The following CTNNA2 variants were observed in gnomAD, a reference collection of about 807,000 sequenced individuals.
CTNNA2 encodes catenin alpha 2.
Under a neutral mutation model 101.0 loss-of-function variants are expected in CTNNA2, and 42 were observed. The ratio of observed to expected loss-of-function variants is 0.42; its 90% CI spans 0.32 to 0.54. The LOEUF (loss-of-function observed/expected upper bound fraction) is 0.54, where lower values mean the gene tolerates loss of function less well. Among genes scored for constraint, CTNNA2 ranks in the 20% least tolerant of loss-of-function variants. The pLI is 0.14. For synonymous variants in CTNNA2, 450 were observed against 456.4 expected, an observed-to-expected ratio of 0.99 and a Z score of 0.18; for missense variants, 871 against 1,223.1, an observed-to-expected ratio of 0.71 and a Z score of 4.29.
At chr2:80,514,385 G>C (rs78063689) in intron 9 of CTNNA2, among the ~76,000 whole-genome samples, 1 of 152,120 alleles carries the variant, frequency 6.6e-6, no homozygotes, top group African/African-American at 2.4e-5. Context: ...TTCGTGGACA[G>C]TGGGGTGTTA....
At chr2:80,208,027 G>A (rs1420824673) in intron 7 of CTNNA2, among the ~76,000 whole-genome samples, 1 of 152,186 alleles carries the variant, frequency 6.6e-6, no homozygotes, top group Non-Finnish European at 1.5e-5. Flanking sequence ...GTGGTTTGTG[G>A]ATCTGGATAA....
chr2:80,610,513 CT>C, intron 17 of CTNNA2, among the ~76,000 whole-genome samples: 1 of 151,638 alleles, frequency 6.6e-6, no homozygotes, highest in African/African-American at 2.4e-5. Context: ...AATCTTCTTT[CT>C]TTTTTCCCTG....
chr2:79,789,321 T>C (rs1330218792), intron 3 of CTNNA2, among the ~76,000 whole-genome samples: 1 of 152,126 alleles, frequency 6.6e-6, no homozygotes, highest in East Asian at 1.9e-4. Context: ...AGGCACAATG[T>C]GTCAGGGAGT....
intron 4 of CTNNA2, among the ~76,000 whole-genome samples, chr2:79,483,966 A>T (rs925338450): frequency 5.9e-5 from 9 of 152,292 alleles, no homozygotes; most frequent in African/African-American, 2.2e-4. Context: ...TCCAGCATGC[A>T]AGGGACTTCT....
chr2:79,262,921 T>C (rs1350429658), intron 2 of CTNNA2, among the ~76,000 whole-genome samples: 1 of 152,080 alleles, frequency 6.6e-6, no homozygotes, highest in Non-Finnish European at 1.5e-5. Context: ...TTCTAGGTGC[T>C]AGATCTACAA....
In CTNNA2 at chr2:80,099,502, C is replaced by A. The variant is rs192133160; in HGVS notation, c.1056+189705C>A. ...AATTGAAGCAACCAATTTCATTCAT[C>A]CTGGAGATGAATTTACTTGGGAGAA... On this transcript the variant is annotated intron_variant, in intron 7 of 18. Transcript: ENST00000402739. 4.2e-3 allele frequency among the ~76,000 whole-genome samples: 640 copies of A among 152,208 alleles called. 3 individuals carry two copies. The highest frequency in any genetic ancestry group is 6.6e-3 in the Non-Finnish European group (451 of 68,022).
intron 7 of CTNNA2, among the ~76,000 whole-genome samples, chr2:80,092,305 T>C (rs985109932): frequency 6.6e-6 from 1 of 152,134 alleles, no homozygotes; most frequent in Admixed American, 6.6e-5. Flanking sequence ...TCCTCATCAG[T>C]AGGAGTCAAA....
At chr2:79,304,483 G>T in intron 2 of CTNNA2, among the ~76,000 whole-genome samples, 1 of 151,538 alleles carries the variant, frequency 6.6e-6, no homozygotes, top group Admixed American at 6.5e-5. Context: ...TCACCCAGGT[G>T]AGGCAGACTA....
At chr2:80,150,178 T>C (rs935364962) in intron 7 of CTNNA2, among the ~76,000 whole-genome samples, 27 of 152,304 alleles carry the variant, frequency 1.8e-4, no homozygotes, top group African/African-American at 6.3e-4. Flanking sequence ...GGTGCTTTCA[T>C]TTGGATTTTA....
chr2:79,502,360 T>C (rs10183594), intron 4 of CTNNA2, among the ~76,000 whole-genome samples: 3,487 of 152,276 alleles, frequency 0.023, 164 homozygotes, highest in East Asian at 0.19. Flanking sequence ...TTAATAATGT[T>C]GAGAATGTAC....
At chr2:80,407,455 A>C (rs1330309703) in intron 8 of CTNNA2, among the ~76,000 whole-genome samples, 2 of 152,268 alleles carry the variant, frequency 1.3e-5, no homozygotes, top group East Asian at 3.9e-4. Flanking sequence ...TCTGTCCCAA[A>C]CTTAGCCCTC....
intron 1 of CTNNA2, among the ~76,000 whole-genome samples, chr2:79,622,076 T>G (rs1679032226): frequency 6.6e-6 from 1 of 152,146 alleles, no homozygotes; most frequent in Admixed American, 6.5e-5. Context: ...AGACAAAAAC[T>G]GAGGAAATCT....
chr2:79,384,990 C>T (rs1678081864), intron 4 of CTNNA2, among the ~76,000 whole-genome samples: 1 of 152,140 alleles, frequency 6.6e-6, no homozygotes, highest in Admixed American at 6.5e-5. Context: ...GAGTTAAATG[C>T]CTATCACAGA....
rs143052774 is a variant in CTNNA2, at chr2:79,235,809, A to G, written c.-406+37733A>G. On this transcript the variant is annotated intron_variant, in intron 2 of 21. Coordinates refer to the CTNNA2 transcript ENST00000466387. ...GGGGTTGCACCTGCCTGATGAGTTCAGACAGAAGCAGGACAGCTGGGCTGG... is the reference window on the plus strand; with the variant it reads ...GGGGTTGCACCTGCCTGATGAGTTCGGACAGAAGCAGGACAGCTGGGCTGG... Among the ~76,000 whole-genome samples the G allele has an allele frequency of 3.1e-3, 478 of 152,344 alleles. 2 individuals carry two copies. The highest frequency in any genetic ancestry group is 0.011 in the African/African-American group (443 of 41,574).
At chr2:79,204,252 G>A (rs1245727518) in intron 2 of CTNNA2, among the ~76,000 whole-genome samples, 1 of 152,224 alleles carries the variant, frequency 6.6e-6, no homozygotes, top group African/African-American at 2.4e-5. Context: ...GCTCAGGAAT[G>A]CCACGCTGAC....
rs1475650820 is a variant in CTNNA2 at position 80,648,503 on chromosome 2, T to C, written c.*631T>C. On this transcript the variant is annotated 3_prime_UTR_variant, in exon 19 of 19. Transcript: ENST00000402739. Reference sequence around the variant, plus strand: ...CTAGTGATCATGTTTTTTTCCCCCCTTTAATGAAAACAATAAACATCTATT... The same window carrying C: ...CTAGTGATCATGTTTTTTTCCCCCCCTTAATGAAAACAATAAACATCTATT... The C allele has an allele frequency of 6.6e-6, 1 of 152,594 alleles. No individual in the cohort carries two copies. Among genetic ancestry groups the C allele is most frequent in the Non-Finnish European group, 1.5e-5 (1 of 68,038 alleles). The allele number at this position is 152,594 out of a possible 1,614,324, so 9.5% of individuals were successfully genotyped here.
At chr2:79,465,091 T>C (rs1468048825) in intron 4 of CTNNA2, among the ~76,000 whole-genome samples, 1 of 152,194 alleles carries the variant, frequency 6.6e-6, no homozygotes, top group Non-Finnish European at 1.5e-5. Context: ...TGCCTAGGTT[T>C]TCTTCTAGGG....
chr2:80,467,371 C>T, intron 9 of CTNNA2, among the ~76,000 whole-genome samples: 1 of 152,284 alleles, frequency 6.6e-6, no homozygotes, highest in East Asian at 1.9e-4. Context: ...TAATTTGTGG[C>T]TTTCAATAAT....
At chr2:79,783,114 A>G (rs1053910465) in intron 3 of CTNNA2, among the ~76,000 whole-genome samples, 1 of 152,082 alleles carries the variant, frequency 6.6e-6, no homozygotes, top group Non-Finnish European at 1.5e-5. Context: ...TTGACATTTT[A>G]TGTCCCTCTG....
Sources: allele counts gnomAD v4.1 joint callset (sites outside exome capture counted in the v4.1 genomes callset), GRCh38; gene constraint gnomAD v4.1.1; transcripts MANE v1.5; gene names NCBI Gene and HGNC (gene_info 2026-07-23, HGNC 2026-07-21).